The following GPS2 variants were observed in gnomAD, a reference collection of about 807,000 sequenced individuals.
The protein encoded by GPS2 is G protein pathway suppressor 2.
GPS2 carries 22 observed loss-of-function variants against 48.1 expected under a neutral mutation model. That is an observed-to-expected ratio of 0.46 (90% CI 0.33 to 0.65). The LOEUF (loss-of-function observed/expected upper bound fraction) is 0.65. GPS2 is among the 30% of genes least tolerant of loss of function. The pLI is 0.03. For missense variants in GPS2, 366 were observed against 406.8 expected, an observed-to-expected ratio of 0.90 and a Z score of 0.86; for synonymous variants, 202 against 142.5, an observed-to-expected ratio of 1.42 and a Z score of -2.98.
intron 6 of GPS2, 24 bp from the exon 7 acceptor site, chr17:7,313,745 G>A (rs374324699): frequency 7.0e-5 from 113 of 1,611,060 alleles, no homozygotes; most frequent in Middle Eastern, 1.6e-4. Context: ...ATGAGAACTC[G>A]CCTACAAACT....
At chr17:7,314,010 A>G (rs1171562933) in intron 5 of GPS2, 22 bp from the exon 6 acceptor site, 1 of 1,612,646 alleles carries the variant, frequency 6.2e-7, no homozygotes, top group African/African-American at 1.3e-5. Context: ...GAAGGGCTTC[A>G]TGATGCTGAA....
chr17:7,313,850 T>G (rs1339083799), intron 6 of GPS2, 56 bp downstream of exon 6: 45 of 1,569,234 alleles, frequency 2.9e-5, no homozygotes, highest in Non-Finnish European at 3.9e-5. Flanking sequence ...TGAATACTGG[T>G]GGCAAGGATG....
At position 7,312,708 on chromosome 17, in the gene GPS2, C is replaced by A; in HGVS notation, c.*48G>T. On this transcript the variant is annotated 3_prime_UTR_variant, in exon 11 of 11. Coordinates refer to ENST00000380728, the MANE Select transcript of GPS2 (RefSeq NM_004489.5). ...GCCTGGGACACACAGGGGATACCCT[C>A]ACCCACGATGGGGTGGGGGGTGTGG... 7.0e-7 allele frequency: 1 copy of A among 1,432,880 alleles called. No individual in the cohort carries two copies. The highest frequency in any genetic ancestry group is 1.1e-5 in the South Asian group (1 of 87,358). The allele number at this position is 1,432,880 out of a possible 1,614,324, so 88.8% of individuals were successfully genotyped here. A position where few individuals can be genotyped will look rare whatever the true frequency, so the allele number is the denominator to read the frequency against.
rs770879075 is a variant in GPS2 at position 7,313,135 on chromosome 17, CAG to C, written c.805-13_805-12del. Reference sequence around the variant, plus strand: ...GGGGCGCAGAGAGGACTGCAGAGAACAGAGTCAGGGCCTGAGGCATACTGAAG... The same window carrying C: ...GGGGCGCAGAGAGGACTGCAGAGAACAGTCAGGGCCTGAGGCATACTGAAG... On this transcript the variant is annotated splice_polypyrimidine_tract_variant and intron_variant, in intron 9 of 10. Transcript: ENST00000380728. The C allele has an allele frequency of 1.9e-6, 3 of 1,607,842 alleles. No homozygotes were observed. In the African/African-American group the frequency reaches 4.0e-5, roughly 21 times the overall value.
intron 3 of GPS2, 41 bp from the exon 4 acceptor site, chr17:7,314,444 C>T (rs759184565): frequency 6.2e-7 from 1 of 1,614,080 alleles, no homozygotes; most frequent in Non-Finnish European, 8.5e-7. Flanking sequence ...CAGGGAGAGT[C>T]AAACGAAGAA....
intron 7 of GPS2, 21 bp downstream of exon 7, chr17:7,313,547 C>G (rs373002868): frequency 1.9e-6 from 3 of 1,613,348 alleles, no homozygotes; most frequent in South Asian, 1.1e-5. Context: ...AAGGCCAAGC[C>G]CCATCCCTCC....
rs969806113 is a variant in GPS2, at chr17:7,312,695, CAG to C, written c.*59_*60del. ...GTAGATTTTATTGGCCTGGGACACA[CAG>C]GGGATACCCTCACCCACGATGGGGT... On this transcript the variant is annotated 3_prime_UTR_variant, in exon 11 of 11. Coordinates refer to ENST00000380728, the MANE Select transcript of GPS2 (RefSeq NM_004489.5). 1.3e-4 allele frequency: 178 copies of C among 1,325,884 alleles called. No homozygotes were observed. The Middle Eastern group carries it at 2.2e-3, about 16-fold the overall frequency. The allele number at this position is 1,325,884 out of a possible 1,614,324, so 82.1% of individuals were successfully genotyped here.
chr17:7,312,981 A>G (rs767051134), intron 10 of GPS2, 48 bp downstream of exon 10: 6 of 1,493,994 alleles, frequency 4.0e-6, no homozygotes, highest in Admixed American at 3.7e-5. Context: ...GCTTTTCCGG[A>G]TCCCTAGTGT....
intron 3 of GPS2, 37 bp downstream of exon 3, chr17:7,314,451 A>G (rs756940614): frequency 3.8e-5 from 61 of 1,614,020 alleles, no homozygotes; most frequent in Non-Finnish European, 5.1e-5. Context: ...AGTCAAACGA[A>G]GAAATCAAAG....
chr17:7,314,228 C>T lies in GPS2; in HGVS notation c.317+63G>A, dbSNP rs752506548. ...TCTCTTTTGCCATTAAACACTGGTT[C>T]TTTTACTACCTGATCCCAGTTCCAC... is the stretch of plus-strand genomic sequence containing the variant. On this transcript the variant is annotated intron_variant, in intron 4 of 10. Transcript: ENST00000380728. The T allele has an allele frequency of 3.1e-6, 5 of 1,591,286 alleles. No homozygotes were observed. The South Asian group carries it at 3.3e-5, about 11-fold the overall frequency.
In GPS2 at chr17:7,313,286, G is replaced by T; in HGVS notation, c.730C>A (p.Leu244Ile). Residue 244 changes from leucine (L) to isoleucine (I), a missense_variant, in exon 9 of 11, where the codon CTC (leucine) becomes ATC (isoleucine). Leu to Ile is a conservative substitution (Grantham distance 5). Coordinates refer to ENST00000380728, the MANE Select transcript of GPS2 (RefSeq NM_004489.5). ...AAGGACAGGGCACCACCAGGCTGGA[G>T]GAAACCTAGGTGGGGAAGAGGGGCA... Reference protein sequence around the residue: ...GHFQPTQTGFLQPGGALSLQK... With the variant: ...GHFQPTQTGFIQPGGALSLQK... 6.2e-7 allele frequency: 1 copy of T among 1,613,936 alleles called. No homozygotes were observed. The highest frequency in any genetic ancestry group is 8.5e-7 in the Non-Finnish European group (1 of 1,179,876).
chr17:7,313,268 G>C lies in GPS2; in HGVS notation c.748C>G (p.Leu250Val), dbSNP rs368029563. 2 of 1,614,034 alleles carry C rather than the reference G, an allele frequency of 1.2e-6. No individual in the cohort carries two copies. The highest frequency in any genetic ancestry group is 1.7e-6 in the Non-Finnish European group (2 of 1,180,014). Residue 250 changes from leucine to valine, a missense_variant, in exon 9 of 11, where the codon CTG (leucine) becomes GTG (valine). Coordinates refer to ENST00000380728, the MANE Select transcript of GPS2 (RefSeq NM_004489.5). ...TGTTCCATCTGCTTTTGCAAGGACA[G>C]GGCACCACCAGGCTGGAGGAAACCT... The part of the protein sequence containing the change: ...QTGFLQPGGA[L>V]SLQKQMEHAN...
intron 3 of GPS2, 41 bp from the exon 4 acceptor site, chr17:7,314,444 C>A: frequency 6.2e-7 from 1 of 1,614,080 alleles, no homozygotes; most frequent in South Asian, 1.1e-5. Flanking sequence ...CAGGGAGAGT[C>A]AAACGAAGAA....
Position 7,313,028 on chromosome 17 carries a change from C to A in GPS2, c.900+1G>T. 1.3e-6 allele frequency: 2 copies of A among 1,545,328 alleles called. No homozygotes were observed. Among genetic ancestry groups the A allele is most frequent in the Non-Finnish European group, 1.7e-6 (2 of 1,144,040 alleles). On this transcript the variant is annotated splice_donor_variant, in intron 10 of 10. Transcript: ENST00000380728. LOFTEE classifies it high-confidence loss of function. ...CAGGTAAATTCTATTACCATTCTTA[C>A]CTTTCCTGCTGGCTGCATCTGCACA...
intron 6 of GPS2, 87 bp from the exon 7 acceptor site, chr17:7,313,808 C>T: frequency 1.3e-6 from 2 of 1,576,890 alleles, no homozygotes; most frequent in Non-Finnish European, 1.7e-6. Flanking sequence ...CCCGTTTCCC[C>T]CTAAACTTAA....
chr17:7,313,141 CAG>C lies in GPS2; in HGVS notation c.805-19_805-18del, dbSNP rs774494745. On this transcript the variant is annotated intron_variant, in intron 9 of 10. Coordinates refer to ENST00000380728, the MANE Select transcript of GPS2 (RefSeq NM_004489.5). ...CAGAGAGGACTGCAGAGAACAGAGT[CAG>C]GGCCTGAGGCATACTGAAGCTCCCC... 9 of 1,609,152 alleles carry C rather than the reference CAG, an allele frequency of 5.6e-6. No individual in the cohort carries two copies. The highest frequency in any genetic ancestry group is 2.2e-5 in the South Asian group (2 of 90,830).
In GPS2 at chr17:7,315,358, T is replaced by C. The variant is rs978928795; in HGVS notation, c.-95A>G. Reference sequence around the variant, plus strand: ...GCCTTCTCTGCGCTTTCTCAGCGGCTCCGACGCGCCCTGGCCCCTGCGTCA... The same window carrying C: ...GCCTTCTCTGCGCTTTCTCAGCGGCCCCGACGCGCCCTGGCCCCTGCGTCA... On this transcript the variant is annotated 5_prime_UTR_variant, in exon 1 of 11. Transcript: ENST00000380728. 5.1e-6 allele frequency: 2 copies of C among 394,136 alleles called. No homozygotes were observed. The highest frequency in any genetic ancestry group is 8.9e-6 in the Non-Finnish European group (2 of 224,058). 24.4% of individuals were successfully genotyped at this position (394,136 alleles called of 1,614,324 possible). A position where few individuals can be genotyped will look rare whatever the true frequency, so the allele number is the denominator to read the frequency against.
At position 7,314,211 on chromosome 17, in the gene GPS2, G is replaced by A. The variant is rs770804109; in HGVS notation, c.318-52C>T. 4 of 1,591,616 alleles carry A rather than the reference G, an allele frequency of 2.5e-6. No homozygotes were observed. The East Asian group carries it at 6.7e-5, about 27-fold the overall frequency. Reference sequence around the variant, plus strand: ...GTCAAGGACAGATGCCTTCTCTTTTGCCATTAAACACTGGTTCTTTTACTA... The same window carrying A: ...GTCAAGGACAGATGCCTTCTCTTTTACCATTAAACACTGGTTCTTTTACTA... On this transcript the variant is annotated intron_variant, in intron 4 of 10. Coordinates refer to ENST00000380728, the MANE Select transcript of GPS2 (RefSeq NM_004489.5).
intron 10 of GPS2, 78 bp downstream of exon 10, chr17:7,312,951 C>T (rs776964709): frequency 2.7e-6 from 4 of 1,459,754 alleles, no homozygotes; most frequent in South Asian, 1.2e-5. Flanking sequence ...TGATGTGGGC[C>T]ACCTGTCCTA....
Sources: gnomAD v4.1 joint callset for allele counts on GRCh38, gnomAD v4.1.1 for gene constraint, MANE v1.5 for transcripts, NCBI Gene and HGNC (gene_info 2026-07-23, HGNC 2026-07-21) for gene names.